Variants in ESRRG observed in about 807,000 individuals in gnomAD.
ESRRG encodes the protein estrogen related receptor gamma.
ESRRG carries 13 observed loss-of-function variants against 44.0 expected under a neutral mutation model. The ratio of observed to expected loss-of-function variants is 0.30; its 90% CI spans 0.19 to 0.47. The LOEUF is 0.47. Among genes scored for constraint, ESRRG ranks in the 20% least tolerant of loss-of-function variants. The pLI, the probability that ESRRG is intolerant of heterozygous loss-of-function variation, is 1.00. For synonymous variants in ESRRG, 215 were observed against 214.6 expected, an observed-to-expected ratio of 1.00 and a Z score of -0.02; for missense variants, 395 against 580.6, an observed-to-expected ratio of 0.68 and a Z score of 3.29.
intron 2 of ESRRG, among the ~76,000 whole-genome samples, chr1:216,775,807 C>T (rs534149127): frequency 2.6e-5 from 4 of 151,758 alleles, no homozygotes; most frequent in East Asian, 2.0e-4. Context: ...TCAAGTAATC[C>T]GCCTTTCTTG....
intron 1 of ESRRG, among the ~76,000 whole-genome samples, chr1:217,127,111 G>A (rs1296412193): frequency 6.6e-5 from 10 of 152,136 alleles, no homozygotes. Context: ...TTTGCTTTTT[G>A]TGTTGGTGTT....
At chr1:217,082,185 C>T (rs1226271506) in intron 1 of ESRRG, among the ~76,000 whole-genome samples, 2 of 152,194 alleles carry the variant, frequency 1.3e-5, no homozygotes, top group African/African-American at 4.8e-5. Flanking sequence ...AACCACAATG[C>T]TTGTTCTACA....
At chr1:217,080,357 T>A (rs72741494) in intron 1 of ESRRG, among the ~76,000 whole-genome samples, 1 of 151,976 alleles carries the variant, frequency 6.6e-6, no homozygotes. Flanking sequence ...AAAGCTGGAA[T>A]CCTTCAATAA....
chr1:216,834,110 G>A (rs1349922083), intron 2 of ESRRG, among the ~76,000 whole-genome samples: 1 of 152,142 alleles, frequency 6.6e-6, no homozygotes, highest in African/African-American at 2.4e-5. Flanking sequence ...AGAGTCAAAG[G>A]TGACTTAGGG....
chr1:216,758,897 TA>T (rs201417880), intron 2 of ESRRG, among the ~76,000 whole-genome samples: 3 of 151,884 alleles, frequency 2.0e-5, no homozygotes, highest in East Asian at 3.9e-4. Flanking sequence ...ACTTACTATA[TA>T]TTTTTTTTCA....
At chr1:216,625,155 C>T (rs564241458) in intron 3 of ESRRG, among the ~76,000 whole-genome samples, 51 of 152,212 alleles carry the variant, frequency 3.4e-4, no homozygotes, top group African/African-American at 1.2e-3. Flanking sequence ...CTGTCTCTTT[C>T]CCCTTTCATC....
chr1:216,677,827 T>C (rs921811085), intron 1 of ESRRG, among the ~76,000 whole-genome samples: 4 of 152,176 alleles, frequency 2.6e-5, no homozygotes, highest in African/African-American at 9.7e-5. Flanking sequence ...ACCTTTCTCT[T>C]GGAGAACCAG....
chr1:216,546,270 T>A (rs1038817022), intron 5 of ESRRG, among the ~76,000 whole-genome samples: 10 of 152,236 alleles, frequency 6.6e-5, no homozygotes, highest in African/African-American at 2.4e-4. Context: ...TGGCTTGTGA[T>A]GATGTAAAAC....
In ESRRG at chr1:216,506,489, A is replaced by G. The variant is rs72735136; in HGVS notation, c.*450T>C. 3.1e-3 allele frequency: 1,141 copies of G among 363,180 alleles called. 4 individuals carry two copies. The highest frequency in any genetic ancestry group is 4.8e-3 in the Non-Finnish European group (900 of 187,342). The allele number at this position is 363,180 out of a possible 1,614,324, so 22.5% of individuals were successfully genotyped here. On this transcript the variant is annotated 3_prime_UTR_variant, in exon 7 of 7. Coordinates refer to ENST00000408911, the MANE Select transcript of ESRRG (RefSeq NM_001438.4). ...GGAAAAGGAAAGGGAAAAAGGAAAG[A>G]AAGGGAAAGGAAAGGGGGAAGGGAG...
rs183671813 is a variant in ESRRG, at chr1:217,018,178, C to T, written c.-106+71329G>A. On this transcript the variant is annotated intron_variant, in intron 1 of 7. Coordinates refer to the ESRRG transcript ENST00000359162. Reference sequence around the variant, plus strand: ...AGCTGTTCTGCATCTCAACTATTCTCATTTCACTTTCCTTCCTAATCTAAT... The same window carrying T: ...AGCTGTTCTGCATCTCAACTATTCTTATTTCACTTTCCTTCCTAATCTAAT... Among the ~76,000 whole-genome samples, 4 of 152,230 alleles carry T rather than the reference C, an allele frequency of 2.6e-5. No homozygotes were observed. The East Asian group carries it at 5.8e-4, about 22-fold the overall frequency.
intron 2 of ESRRG, among the ~76,000 whole-genome samples, chr1:216,848,614 C>A (rs1300425055): frequency 6.6e-6 from 1 of 151,948 alleles, no homozygotes; most frequent in African/African-American, 2.4e-5. Context: ...GCTAAATTAC[C>A]CCTTTCTATC....
intron 2 of ESRRG, among the ~76,000 whole-genome samples, chr1:216,887,948 A>G (rs1485543816): frequency 6.6e-6 from 1 of 152,048 alleles, no homozygotes; most frequent in Non-Finnish European, 1.5e-5. Context: ...TTGAATATTC[A>G]TTGTTATGGT....
intron 1 of ESRRG, among the ~76,000 whole-genome samples, chr1:216,952,816 C>T (rs1389376268): frequency 6.6e-6 from 1 of 152,100 alleles, no homozygotes; most frequent in Non-Finnish European, 1.5e-5. Context: ...CCAGATCTTT[C>T]CTGGCACTGT....
intron 1 of ESRRG, among the ~76,000 whole-genome samples, chr1:217,111,381 G>A (rs990854305): frequency 6.6e-6 from 1 of 152,122 alleles, no homozygotes; most frequent in Non-Finnish European, 1.5e-5. Flanking sequence ...ATTGTTAAAA[G>A]GTCACTGAGT....
At chr1:216,983,437 G>T (rs1481995885) in intron 1 of ESRRG, among the ~76,000 whole-genome samples, 1 of 151,858 alleles carries the variant, frequency 6.6e-6, no homozygotes, top group African/African-American at 2.4e-5. Flanking sequence ...TTGCCATGTT[G>T]CCCAGACTGG....
chr1:216,783,441 CA>C (rs1428323695), intron 2 of ESRRG, among the ~76,000 whole-genome samples: 1 of 152,042 alleles, frequency 6.6e-6, no homozygotes, highest in African/African-American at 2.4e-5. Context: ...TTTACAGTTT[CA>C]ATTTTTTTAT....
At chr1:216,622,618 G>GCACACACA (rs961026287) in intron 3 of ESRRG, among the ~76,000 whole-genome samples, 3 of 150,794 alleles carry the variant, frequency 2.0e-5, no homozygotes, top group Non-Finnish European at 4.4e-5. Context: ...TTACACACAC[G>GCACACACA]CACACACACA....
chr1:216,807,817 A>G (rs1254266570), intron 2 of ESRRG, among the ~76,000 whole-genome samples: 1 of 152,174 alleles, frequency 6.6e-6, no homozygotes, highest in Admixed American at 6.6e-5. Context: ...TGGCTCATTA[A>G]ATAGTATTAA....
Position 216,951,749 on chromosome 1 carries a change from G to GTGTA in ESRRG, c.-105-12077_-105-12076insTACA, listed in dbSNP as rs1553729524. On this transcript the variant is annotated intron_variant, in intron 1 of 7. Coordinates refer to the ESRRG transcript ENST00000359162. ...TGTGTGTGTGTGTGTGTGTGTGTGT[G>GTGTA]TGTGTGTGTATACAGCAAAAAATAA... Among the ~76,000 whole-genome samples the GTGTA allele has an allele frequency of 7.0e-4, 105 of 150,068 alleles. 1 individual carries two copies. Among genetic ancestry groups the GTGTA allele is most frequent in the South Asian group, 6.7e-3 (32 of 4,744 alleles).
Sources: allele counts gnomAD v4.1 joint callset (sites outside exome capture counted in the v4.1 genomes callset), GRCh38; gene constraint gnomAD v4.1.1; transcripts MANE v1.5; gene names NCBI Gene and HGNC (gene_info 2026-07-23, HGNC 2026-07-21).